Variants in SLCO5A1 observed in about 807,000 individuals in gnomAD.
SLCO5A1 encodes organic anion transporter polypeptide-related protein 4.
In SLCO5A1, 39 loss-of-function variants were observed where a neutral mutation model predicts 65.1. The observed-to-expected ratio is 0.60, with a 90% CI of 0.46 to 0.78. The LOEUF is 0.78. Among genes scored for constraint, SLCO5A1 ranks in the 30% least tolerant of loss-of-function variants. SLCO5A1 has a pLI of 0.00. For missense variants in SLCO5A1, 1,029 were observed against 1,069.4 expected (o/e 0.96, Z 0.53); for synonymous variants, 438 against 415.7 (o/e 1.05, Z -0.65).
At chr8:69,721,688 T>C (rs1815821879) in intron 5 of SLCO5A1, among the ~76,000 whole-genome samples, 1 of 152,268 alleles carries the variant, frequency 6.6e-6, no homozygotes, top group Admixed American at 6.5e-5. Context: ...AAAAAATGTT[T>C]TTATTTATAG....
At chr8:69,685,688 A>T (rs1325142897) in intron 6 of SLCO5A1, among the ~76,000 whole-genome samples, 1 of 152,104 alleles carries the variant, frequency 6.6e-6, no homozygotes, top group Admixed American at 6.6e-5. Flanking sequence ...GATCTCTGAG[A>T]TTATCTGGCA....
At chr8:69,677,791 C>CTT (rs2130785507) in intron 8 of SLCO5A1, among the ~76,000 whole-genome samples, 1 of 152,344 alleles carries the variant, frequency 6.6e-6, no homozygotes, top group South Asian at 2.1e-4. Flanking sequence ...CCTTGCTAAG[C>CTT]AATGACATCT....
intron 2 of SLCO5A1, chr8:69,772,870 G>A (rs1359017706): frequency 4.2e-5 from 40 of 950,420 alleles, no homozygotes; most frequent in Non-Finnish European, 5.0e-5. Flanking sequence ...CACTGCAAAG[G>A]TGAACAAAAC....
intron 6 of SLCO5A1, among the ~76,000 whole-genome samples, chr8:69,693,053 C>T (rs149943157): frequency 4.6e-5 from 7 of 152,318 alleles, no homozygotes; most frequent in African/African-American, 1.2e-4. Context: ...TCATGACCAA[C>T]GCATTGCACT....
chr8:69,749,086 T>C (rs1267119299), intron 4 of SLCO5A1, among the ~76,000 whole-genome samples: 2 of 152,236 alleles, frequency 1.3e-5, no homozygotes, highest in Admixed American at 6.5e-5. Context: ...TAGCTTTTAG[T>C]GATCCCTCTT....
rs534513740 is a variant in SLCO5A1 at position 69,811,233 on chromosome 8, C to T, written c.907+20534G>A. 3.3e-5 allele frequency among the ~76,000 whole-genome samples: 5 copies of T among 152,198 alleles called. No individual in the cohort carries two copies. In the South Asian group the frequency reaches 8.3e-4, roughly 25 times the overall value. ...GGATAGAGAAAGCATAAAGATAGCC[C>T]GTGAGCTTACGTGTTTGGGGCTACC... On this transcript the variant is annotated intron_variant, in intron 2 of 9. Transcript: ENST00000260126.
chr8:69,753,932 C>T (rs1817436884), intron 4 of SLCO5A1, among the ~76,000 whole-genome samples: 3 of 146,976 alleles, frequency 2.0e-5, no homozygotes, highest in Non-Finnish European at 4.5e-5. Flanking sequence ...AGGAGAATTG[C>T]TTGAACCTGG....
intron 2 of SLCO5A1, among the ~76,000 whole-genome samples, chr8:69,824,055 A>G (rs1390335689): frequency 6.6e-6 from 1 of 152,266 alleles, no homozygotes; most frequent in Non-Finnish European, 1.5e-5. Flanking sequence ...GAAGGCAGAA[A>G]TAAAGATGTT....
intron 4 of SLCO5A1, among the ~76,000 whole-genome samples, chr8:69,740,370 T>C (rs1816744261): frequency 6.6e-6 from 1 of 152,184 alleles, no homozygotes; most frequent in Non-Finnish European, 1.5e-5. Context: ...ATCAGTTTTC[T>C]AACTGCCAAA....
At chr8:69,817,905 C>T (rs1820470336) in intron 2 of SLCO5A1, among the ~76,000 whole-genome samples, 1 of 152,140 alleles carries the variant, frequency 6.6e-6, no homozygotes, top group Admixed American at 6.5e-5. Context: ...TGCTTTTTCC[C>T]CACCAAGGGG....
chr8:69,799,721 G>T (rs573077953), intron 2 of SLCO5A1, among the ~76,000 whole-genome samples: 2 of 152,288 alleles, frequency 1.3e-5, no homozygotes, highest in African/African-American at 4.8e-5. Context: ...GAGAGGTACT[G>T]AGCAAAAGGG....
At position 69,731,868 on chromosome 8, in the gene SLCO5A1, T is replaced by C. The variant is rs377285326; in HGVS notation, c.1423+6172A>G. 5.3e-4 allele frequency among the ~76,000 whole-genome samples: 81 copies of C among 152,286 alleles called. 2 individuals carry two copies. The South Asian group carries it at 9.3e-3, about 18-fold the overall frequency. On this transcript the variant is annotated intron_variant, in intron 5 of 9. Coordinates refer to ENST00000260126, the MANE Select transcript of SLCO5A1 (RefSeq NM_030958.3). Reference sequence around the variant, plus strand: ...TCAGCACACGTCTCAGGGGCAAGTGTCATCACCTGACCTTGGAAATGGCCA... The same window carrying C: ...TCAGCACACGTCTCAGGGGCAAGTGCCATCACCTGACCTTGGAAATGGCCA...
chr8:69,834,304 G>C (rs1821319233), intron 1 of SLCO5A1: 1 of 152,610 alleles, frequency 6.6e-6, no homozygotes, highest in Non-Finnish European at 1.5e-5. Context: ...AGACAGCCGA[G>C]CTTCACTACA....
chr8:69,745,056 T>A (rs1409480612), intron 4 of SLCO5A1, among the ~76,000 whole-genome samples: 1 of 152,200 alleles, frequency 6.6e-6, no homozygotes, highest in Admixed American at 6.5e-5. Context: ...GCTTAATTTT[T>A]CAGATTTCTG....
At chr8:69,734,607 TG>T (rs1411829371) in intron 5 of SLCO5A1, among the ~76,000 whole-genome samples, 4 of 152,242 alleles carry the variant, frequency 2.6e-5, no homozygotes, top group African/African-American at 4.8e-5. Flanking sequence ...TGCACAGAGC[TG>T]GCATTCAATG....
At chr8:69,782,708 A>G (rs1818848983) in intron 2 of SLCO5A1, among the ~76,000 whole-genome samples, 1 of 152,148 alleles carries the variant, frequency 6.6e-6, no homozygotes, top group South Asian at 2.1e-4. Context: ...CTATCACACA[A>G]CACTTCAATT....
chr8:69,827,772 A>G (rs1286186623), intron 2 of SLCO5A1, among the ~76,000 whole-genome samples: 1 of 152,260 alleles, frequency 6.6e-6, no homozygotes, highest in Non-Finnish European at 1.5e-5. Flanking sequence ...ATAATTGGTC[A>G]ATACTGCTCA....
intron 6 of SLCO5A1, among the ~76,000 whole-genome samples, chr8:69,695,444 C>T (rs1214695008): frequency 2.6e-5 from 4 of 151,768 alleles, no homozygotes; most frequent in East Asian, 3.9e-4. Flanking sequence ...TGCAGTGAGC[C>T]GAGATTGTGC....
chr8:69,816,885 T>C (rs1464987368), intron 2 of SLCO5A1, among the ~76,000 whole-genome samples: 1 of 152,220 alleles, frequency 6.6e-6, no homozygotes, highest in East Asian at 1.9e-4. Context: ...GAAGTGACTT[T>C]ACCATTCAAG....
Sources: gnomAD v4.1 joint callset for allele counts (sites outside exome capture counted in the v4.1 genomes callset) on GRCh38, gnomAD v4.1.1 for gene constraint, MANE v1.5 for transcripts, NCBI Gene and HGNC (gene_info 2026-07-23, HGNC 2026-07-21) for gene names.